The following ADAMTSL3 variants were observed in gnomAD, a reference collection of about 807,000 sequenced individuals.
ADAMTSL3 encodes the protein ADAMTS like 3, also known as ADAMTS-like protein 3.
ADAMTSL3 carries 128 observed loss-of-function variants against 201.7 expected under a neutral mutation model. The ratio of observed to expected loss-of-function variants is 0.63; its 90% confidence interval spans 0.55 to 0.73. The LOEUF (loss-of-function observed/expected upper bound fraction) is 0.73. ADAMTSL3 is among the 30% of genes least tolerant of loss of function. ADAMTSL3 has a pLI of 0.00. For synonymous variants in ADAMTSL3, 738 were observed against 748.4 expected (o/e 0.99, Z 0.23); for missense variants, 1,990 against 2,119.6 (o/e 0.94, Z 1.20).
chr15:83,904,322 C>T (rs973756315), intron 15 of ADAMTSL3, among the ~76,000 whole-genome samples: 1 of 152,030 alleles, frequency 6.6e-6, no homozygotes, highest in East Asian at 1.9e-4. Flanking sequence ...CTATTCATTC[C>T]CTCGATTTCC....
At chr15:84,032,753 C>T (rs778767838) in intron 28 of ADAMTSL3, among the ~76,000 whole-genome samples, 13 of 152,128 alleles carry the variant, frequency 8.5e-5, no homozygotes, top group Non-Finnish European at 8.8e-5. Flanking sequence ...TGCTAATGGA[C>T]ATTGGATAGT....
intron 2 of ADAMTSL3, among the ~76,000 whole-genome samples, chr15:83,669,288 G>T (rs547950029): frequency 6.6e-6 from 1 of 151,954 alleles, no homozygotes; most frequent in Non-Finnish European, 1.5e-5. Flanking sequence ...TGGGATTACA[G>T]TTGTGCACCA....
intron 12 of ADAMTSL3, 134 bp downstream of exon 12, chr15:83,891,513 T>TAATAGGAAAAACAG: frequency 1.5e-6 from 1 of 678,976 alleles, no homozygotes. Context: ...AACAGACTTC[T>TAATAGGAAAAACAG]ACTCAATAAT....
At chr15:83,718,201 C>T (rs1480286265) in intron 3 of ADAMTSL3, among the ~76,000 whole-genome samples, 2 of 152,092 alleles carry the variant, frequency 1.3e-5, no homozygotes, top group Non-Finnish European at 2.9e-5. Flanking sequence ...ATCTAGTGCC[C>T]AGGTCATGGT....
intron 6 of ADAMTSL3, among the ~76,000 whole-genome samples, chr15:83,827,711 G>A (rs934201300): frequency 2.0e-5 from 3 of 152,150 alleles, no homozygotes; most frequent in African/African-American, 4.8e-5. Flanking sequence ...AAGGGATCCA[G>A]TTTCAGCTTT....
intron 17 of ADAMTSL3, among the ~76,000 whole-genome samples, chr15:83,937,097 G>T (rs1277061567): frequency 2.0e-5 from 3 of 150,972 alleles, no homozygotes; most frequent in Non-Finnish European, 4.4e-5. Flanking sequence ...GTGGAAAGCA[G>T]TGTGGCAATT....
At chr15:83,893,152 T>C (rs2065545211) in intron 13 of ADAMTSL3, among the ~76,000 whole-genome samples, 1 of 152,164 alleles carries the variant, frequency 6.6e-6, no homozygotes, top group African/African-American at 2.4e-5. Flanking sequence ...TTAAGTACTG[T>C]AAAGAACAAA....
chr15:83,997,692 G>A (rs1406529021), intron 23 of ADAMTSL3, among the ~76,000 whole-genome samples: 1 of 152,168 alleles, frequency 6.6e-6, no homozygotes, highest in African/African-American at 2.4e-5. Context: ...CATTAATTTT[G>A]GAGAATGGAC....
At position 83,874,806 on chromosome 15, in the gene ADAMTSL3, G is replaced by A. The variant is rs936286730; in HGVS notation, c.960+3847G>A. On this transcript the variant is annotated intron_variant, in intron 9 of 29. Transcript: ENST00000286744. ...ATTAGGGCCCATCTGAGGATATCAT[G>A]CATGGATTTGAGTAAGTTGCTGTGT... Among the ~76,000 whole-genome samples the A allele has an allele frequency of 1.9e-4, 27 of 145,048 alleles. 2 individuals are homozygous for A. Among genetic ancestry groups the A allele is most frequent in the Admixed American group, 3.4e-4 (5 of 14,812 alleles).
chr15:83,941,088 G>C (rs1168776901), intron 17 of ADAMTSL3, among the ~76,000 whole-genome samples: 1 of 150,750 alleles, frequency 6.6e-6, no homozygotes, highest in Non-Finnish European at 1.5e-5. Flanking sequence ...AATTTTTTTT[G>C]TCCATTTTTC....
chr15:83,812,181 C>A (rs2063709887), intron 5 of ADAMTSL3, among the ~76,000 whole-genome samples: 1 of 152,110 alleles, frequency 6.6e-6, no homozygotes, highest in Non-Finnish European at 1.5e-5. Context: ...TAATTGGGGG[C>A]TCAAAATATC....
intron 13 of ADAMTSL3, among the ~76,000 whole-genome samples, chr15:83,895,359 A>G (rs865820890): frequency 5.9e-4 from 90 of 152,216 alleles, no homozygotes; most frequent in African/African-American, 2.0e-3. Context: ...TTCAGCTCTC[A>G]TAAGTCCTAG....
At chr15:83,673,808 A>G (rs2061358273) in intron 2 of ADAMTSL3, among the ~76,000 whole-genome samples, 1 of 152,242 alleles carries the variant, frequency 6.6e-6, no homozygotes, top group Admixed American at 6.5e-5. Context: ...TAAGGTCAAG[A>G]AAGAAAGCTA....
intron 3 of ADAMTSL3, among the ~76,000 whole-genome samples, chr15:83,737,132 G>A (rs538086896): frequency 6.6e-6 from 1 of 152,164 alleles, no homozygotes; most frequent in Non-Finnish European, 1.5e-5. Flanking sequence ...TCATAGATTG[G>A]CTGATAAGCA....
intron 23 of ADAMTSL3, among the ~76,000 whole-genome samples, chr15:83,993,581 C>T (rs955486848): frequency 6.6e-6 from 1 of 152,036 alleles, no homozygotes; most frequent in African/African-American, 2.4e-5. Context: ...TTTTTTATAG[C>T]CAAACATGTT....
chr15:84,023,352 T>C (rs2068239697), intron 26 of ADAMTSL3, among the ~76,000 whole-genome samples: 1 of 152,204 alleles, frequency 6.6e-6, no homozygotes, highest in Admixed American at 6.5e-5. Flanking sequence ...AAATGTTTAA[T>C]GTTATATAGC....
chr15:83,701,847 G>T (rs900026779), intron 2 of ADAMTSL3, among the ~76,000 whole-genome samples: 1 of 152,158 alleles, frequency 6.6e-6, no homozygotes, highest in Non-Finnish European at 1.5e-5. Flanking sequence ...CAGTGGAATC[G>T]GGTGCTGCTG....
chr15:83,996,233 C>T lies in ADAMTSL3; in HGVS notation c.3973+5019C>T, dbSNP rs145066020. On this transcript the variant is annotated intron_variant, in intron 23 of 29. Transcript: ENST00000286744. ...ATTGTATAGTGATGATGGGGTTGCA[C>T]AACTCTGTGAATATATTAGAACTAC... Among the ~76,000 whole-genome samples the T allele has an allele frequency of 4.8e-3, 737 of 152,252 alleles. 4 individuals carry two copies. Among genetic ancestry groups the T allele is most frequent in the Non-Finnish European group, 9.1e-3 (622 of 68,004 alleles).
intron 6 of ADAMTSL3, among the ~76,000 whole-genome samples, chr15:83,823,402 C>G (rs1352770562): frequency 6.6e-6 from 1 of 152,118 alleles, no homozygotes; most frequent in African/African-American, 2.4e-5. Context: ...CAAAGGTGAA[C>G]CTTCATCCTG....
Sources: allele counts gnomAD v4.1 joint callset (sites outside exome capture counted in the v4.1 genomes callset), GRCh38; gene constraint gnomAD v4.1.1; transcripts MANE v1.5; gene names NCBI Gene and HGNC (gene_info 2026-07-23, HGNC 2026-07-21).